DDAH1: variants seen among roughly 807,000 people sequenced by gnomAD.
The protein encoded by DDAH1 is dimethylarginine dimethylaminohydrolase 1.
A neutral mutation model predicts 28.8 loss-of-function variants in DDAH1; 19 were observed. That is an observed-to-expected ratio of 0.66 (90% CI 0.46 to 0.97). DDAH1 has a LOEUF of 0.97. Among genes scored for constraint, DDAH1 ranks in the 50% least tolerant of loss-of-function variants. DDAH1 has a pLI of 0.00. For synonymous variants in DDAH1, 153 were observed against 154.4 expected, an observed-to-expected ratio of 0.99 and a Z score of 0.07; for missense variants, 326 against 375.9, an observed-to-expected ratio of 0.87 and a Z score of 1.10.
intron 1 of DDAH1, among the ~76,000 whole-genome samples, chr1:85,520,735 G>T (rs1196009518): frequency 6.6e-6 from 1 of 152,164 alleles, no homozygotes; most frequent in Non-Finnish European, 1.5e-5. Flanking sequence ...TGAACGCAGG[G>T]GACAATAGGA....
intron 4 of DDAH1, among the ~76,000 whole-genome samples, chr1:85,328,236 T>C (rs2100795156): frequency 6.6e-6 from 1 of 152,318 alleles, no homozygotes; most frequent in African/African-American, 2.4e-5. Flanking sequence ...TGGAATTACC[T>C]GCAGAGTATG....
chr1:85,572,653 A>G (rs1229702958), intron 1 of DDAH1, among the ~76,000 whole-genome samples: 1 of 152,214 alleles, frequency 6.6e-6, no homozygotes, highest in African/African-American at 2.4e-5. Context: ...ATGTCTCCCA[A>G]GTGCTAAGGC....
At chr1:85,342,340 A>G (rs1358824644) in intron 4 of DDAH1, among the ~76,000 whole-genome samples, 1 of 151,988 alleles carries the variant, frequency 6.6e-6, no homozygotes, top group Non-Finnish European at 1.5e-5. Flanking sequence ...TTTTTGGCAT[A>G]TATCTTCACA....
intron 1 of DDAH1, among the ~76,000 whole-genome samples, chr1:85,410,744 G>T (rs1034431438): frequency 5.9e-5 from 9 of 152,178 alleles, no homozygotes; most frequent in Non-Finnish European, 1.0e-4. Context: ...TTTTAAAGAT[G>T]ACTTTGTAGT....
intron 1 of DDAH1, among the ~76,000 whole-genome samples, chr1:85,537,506 T>C (rs1273589294): frequency 1.8e-5 from 2 of 108,502 alleles, no homozygotes; most frequent in African/African-American, 7.2e-5. Context: ...AAGCAGAGAG[T>C]AGAACAGTGT....
At chr1:85,401,720 C>T (rs979790015) in intron 1 of DDAH1, among the ~76,000 whole-genome samples, 27 of 151,854 alleles carry the variant, frequency 1.8e-4, no homozygotes, top group Admixed American at 1.6e-3. Context: ...CCAGGCTGGT[C>T]TCAAACTCCT....
intron 2 of DDAH1, among the ~76,000 whole-genome samples, chr1:85,487,256 T>C (rs533507455): frequency 7.9e-5 from 12 of 152,248 alleles, no homozygotes; most frequent in Non-Finnish European, 1.3e-4. Flanking sequence ...TGAGAACTTG[T>C]GGCTATCACC....
At chr1:85,490,351 A>G (rs540216999) in intron 2 of DDAH1, among the ~76,000 whole-genome samples, 28 of 152,322 alleles carry the variant, frequency 1.8e-4, no homozygotes, top group African/African-American at 6.5e-4. Flanking sequence ...TGTTGGCATA[A>G]AAAGTCAAAA....
intron 1 of DDAH1, among the ~76,000 whole-genome samples, chr1:85,567,816 G>T (rs1659345147): frequency 6.6e-6 from 1 of 152,140 alleles, no homozygotes; most frequent in African/African-American, 2.4e-5. Flanking sequence ...ATTATCCAAA[G>T]AATAGGTAGA....
At chr1:85,561,717 A>T (rs1019268743) in intron 1 of DDAH1, among the ~76,000 whole-genome samples, 7 of 152,212 alleles carry the variant, frequency 4.6e-5, no homozygotes, top group African/African-American at 1.7e-4. Context: ...ATAACATGTT[A>T]GGTGTAATGA....
chr1:85,565,883 C>A (rs748371664), intron 1 of DDAH1, among the ~76,000 whole-genome samples: 1 of 151,984 alleles, frequency 6.6e-6, no homozygotes, highest in South Asian at 2.1e-4. Flanking sequence ...GAGTTCGAGA[C>A]CAGGCTGGCC....
intron 1 of DDAH1, among the ~76,000 whole-genome samples, chr1:85,407,516 A>G (rs965307141): frequency 2.0e-5 from 3 of 152,218 alleles, no homozygotes; most frequent in South Asian, 4.1e-4. Context: ...TTGAATTATA[A>G]TATCTTGCTT....
At chr1:85,572,505 A>G (rs1659489649) in intron 1 of DDAH1, among the ~76,000 whole-genome samples, 1 of 152,192 alleles carries the variant, frequency 6.6e-6, no homozygotes, top group African/African-American at 2.4e-5. Context: ...GCAAAGCTTC[A>G]ATTTTCTCAT....
intron 1 of DDAH1, chr1:85,404,461 G>C: frequency 6.5e-7 from 1 of 1,529,232 alleles, no homozygotes; most frequent in Admixed American, 2.0e-5. Flanking sequence ...CAGATTCCCT[G>C]TTTTAACATC....
intron 4 of DDAH1, among the ~76,000 whole-genome samples, chr1:85,336,948 A>G (rs1648170311): frequency 6.6e-6 from 1 of 152,224 alleles, no homozygotes; most frequent in African/African-American, 2.4e-5. Context: ...CTCCTCAACA[A>G]AATACTAGCA....
chr1:85,379,783 C>T (rs543488173), intron 1 of DDAH1: 11 of 858,040 alleles, frequency 1.3e-5, no homozygotes, highest in African/African-American at 9.1e-5. Flanking sequence ...TCTTTAATCA[C>T]CAACCTTGGA....
intron 1 of DDAH1, among the ~76,000 whole-genome samples, chr1:85,571,042 T>A (rs1364232867): frequency 6.6e-6 from 1 of 152,166 alleles, no homozygotes; most frequent in Non-Finnish European, 1.5e-5. Context: ...CCTGGACAAG[T>A]TGCTTAACTT....
chr1:85,545,575 C>T (rs1195326291), intron 1 of DDAH1, among the ~76,000 whole-genome samples: 3 of 152,196 alleles, frequency 2.0e-5, no homozygotes, highest in Non-Finnish European at 4.4e-5. Flanking sequence ...GTTCAGGAAA[C>T]AGCTCTGCAT....
intron 1 of DDAH1, among the ~76,000 whole-genome samples, chr1:85,563,407 T>C (rs976761379): frequency 6.6e-6 from 1 of 152,160 alleles, no homozygotes; most frequent in African/African-American, 2.4e-5. Context: ...AGTGGAAAAC[T>C]TCACAAATTA....
Sources: allele counts gnomAD v4.1 joint callset (sites outside exome capture counted in the v4.1 genomes callset), GRCh38; gene constraint gnomAD v4.1.1; transcripts MANE v1.5; gene names NCBI Gene and HGNC (gene_info 2026-07-23, HGNC 2026-07-21).